Variants in GALNT17 observed in about 807,000 individuals in gnomAD.
The protein encoded by GALNT17 is polypeptide N-acetylgalactosaminyltransferase 17, also known as UDP-GalNAc:polypeptide N-acetylgalactosaminyltransferase-like 3.
In GALNT17, 29 loss-of-function variants were observed where a neutral mutation model predicts 63.7. That is an observed-to-expected ratio of 0.46 (90% confidence interval 0.34 to 0.62). GALNT17 has a LOEUF of 0.62. GALNT17 is among the 20% of genes least tolerant of loss of function. The pLI is 0.01. For synonymous variants in GALNT17, 305 were observed against 318.3 expected (o/e 0.96, Z 0.45); for missense variants, 603 against 799.6 (o/e 0.75, Z 2.97).
At chr7:71,261,246 T>C (rs1790380419) in intron 1 of GALNT17, among the ~76,000 whole-genome samples, 1 of 152,144 alleles carries the variant, frequency 6.6e-6, no homozygotes, top group African/African-American at 2.4e-5. Flanking sequence ...GCAGGACTCA[T>C]GGGCCCCTGT....
chr7:71,222,080 A>AT (rs1198688436), intron 1 of GALNT17, among the ~76,000 whole-genome samples: 1 of 149,412 alleles, frequency 6.7e-6, no homozygotes, highest in African/African-American at 2.5e-5. Flanking sequence ...GCTAATTTTG[A>AT]TTTTTTAGTA....
At chr7:71,197,345 A>G (rs988029285) in intron 1 of GALNT17, among the ~76,000 whole-genome samples, 1 of 149,734 alleles carries the variant, frequency 6.7e-6, no homozygotes, top group Non-Finnish European at 1.5e-5. Flanking sequence ...GACTACAGGC[A>G]CCTGCCACCA....
intron 2 of GALNT17, among the ~76,000 whole-genome samples, chr7:71,368,092 G>A (rs1462126833): frequency 6.6e-6 from 1 of 152,210 alleles, no homozygotes; most frequent in East Asian, 1.9e-4. Context: ...GAACAGACGT[G>A]GGGAGGGGGA....
At chr7:71,241,121 G>A (rs1358526500) in intron 1 of GALNT17, among the ~76,000 whole-genome samples, 1 of 152,168 alleles carries the variant, frequency 6.6e-6, no homozygotes, top group African/African-American at 2.4e-5. Context: ...TTCTTTGAAA[G>A]TGGCTTGTTT....
At chr7:71,612,355 G>A (rs1326081191) in intron 6 of GALNT17, among the ~76,000 whole-genome samples, 1 of 152,148 alleles carries the variant, frequency 6.6e-6, no homozygotes, top group Admixed American at 6.6e-5. Flanking sequence ...TAGACCTTTA[G>A]ACACTAAATA....
chr7:71,154,825 C>T (rs1788204212), intron 1 of GALNT17, among the ~76,000 whole-genome samples: 1 of 151,920 alleles, frequency 6.6e-6, no homozygotes, highest in Non-Finnish European at 1.5e-5. Context: ...ATCCACCCGC[C>T]TTGGCCTCCC....
intron 6 of GALNT17, among the ~76,000 whole-genome samples, chr7:71,632,845 T>C (rs1790471393): frequency 6.6e-6 from 1 of 152,082 alleles, no homozygotes; most frequent in African/African-American, 2.4e-5. Context: ...GGTTCATGCC[T>C]GTAATCCCAG....
intron 3 of GALNT17, among the ~76,000 whole-genome samples, chr7:71,391,283 C>G (rs372812482): frequency 1.3e-5 from 2 of 152,264 alleles, no homozygotes; most frequent in African/African-American, 4.8e-5. Context: ...ATGGCGCACC[C>G]TCTCCTGAGG....
rs71089953 is a variant in GALNT17 at position 71,539,707 on chromosome 7, C to CTTTTTTTTTTT, written c.963-31563_963-31553dup. 2.1e-4 allele frequency among the ~76,000 whole-genome samples: 15 copies of CTTTTTTTTTTT among 71,442 alleles called. 1 individual carries two copies. Among genetic ancestry groups the CTTTTTTTTTTT allele is most frequent in the African/African-American group, 5.2e-4 (9 of 17,388 alleles). The allele number at this position is 71,442 out of a possible 152,430, so 46.9% of individuals were successfully genotyped here. ...ATCTATTTCAGGAGTTTAGTCCCAC[C>CTTTTTTTTTTT]TTTTTTTTTTTTTTTTTTTTTTTTT... On this transcript the variant is annotated intron_variant, in intron 5 of 10. Coordinates refer to ENST00000333538, the MANE Select transcript of GALNT17 (RefSeq NM_022479.3).
chr7:71,369,808 T>C (rs1481819058), intron 2 of GALNT17, among the ~76,000 whole-genome samples: 1 of 123,974 alleles, frequency 8.1e-6, no homozygotes, highest in Non-Finnish European at 1.6e-5. Context: ...TGAGGCTTTT[T>C]GTCAAAAAAA....
intron 6 of GALNT17, among the ~76,000 whole-genome samples, chr7:71,609,606 G>A (rs933877588): frequency 2.6e-5 from 4 of 151,980 alleles, no homozygotes; most frequent in East Asian, 3.9e-4. Flanking sequence ...GCTTTGATAC[G>A]GGCATGCAAT....
chr7:71,224,679 A>G (rs2190223), intron 1 of GALNT17, among the ~76,000 whole-genome samples: 50,144 of 151,980 alleles, frequency 0.33, 9,245 homozygotes, highest in South Asian at 0.53. Flanking sequence ...TGCCAGAGGA[A>G]CTGTTCTTTC....
At chr7:71,461,430 T>G (rs1484594224) in intron 5 of GALNT17, among the ~76,000 whole-genome samples, 3 of 152,218 alleles carry the variant, frequency 2.0e-5, no homozygotes, top group Admixed American at 6.5e-5. Flanking sequence ...CCAAGTACCT[T>G]TTTAATGACT....
Position 71,477,690 on chromosome 7 carries a change from A to G in GALNT17, c.962+56585A>G, listed in dbSNP as rs931100212. 5.6e-4 allele frequency among the ~76,000 whole-genome samples: 85 copies of G among 152,010 alleles called. 1 individual carries two copies. The highest frequency in any genetic ancestry group is 1.8e-3 in the African/African-American group (76 of 41,358). ...GGCAACAGGCCAAGATCCTGTATCT[A>G]AAAAAACAAAAAAAAAGGTTGAAAA... On this transcript the variant is annotated intron_variant, in intron 5 of 10. Transcript: ENST00000333538.
intron 1 of GALNT17, among the ~76,000 whole-genome samples, chr7:71,246,783 C>T (rs372843829): frequency 6.6e-5 from 10 of 151,794 alleles, no homozygotes; most frequent in South Asian, 4.2e-4. Flanking sequence ...GAGCTGAGAA[C>T]GCGCCACTGC....
intron 2 of GALNT17, among the ~76,000 whole-genome samples, chr7:71,369,846 A>G (rs1423684798): frequency 6.6e-6 from 1 of 151,026 alleles, no homozygotes; most frequent in Non-Finnish European, 1.5e-5. Flanking sequence ...AAGAACAAAA[A>G]CTATGTATTA....
At chr7:71,419,875 T>C (rs1176327064) in intron 4 of GALNT17, among the ~76,000 whole-genome samples, 1 of 152,230 alleles carries the variant, frequency 6.6e-6, no homozygotes, top group African/African-American at 2.4e-5. Flanking sequence ...TGGAAGCAGG[T>C]AATGGCCCAG....
chr7:71,573,268 C>T (rs1040732595), intron 6 of GALNT17, among the ~76,000 whole-genome samples: 1 of 152,004 alleles, frequency 6.6e-6, no homozygotes, highest in African/African-American at 2.4e-5. Context: ...CCTCGGCCTC[C>T]CAAAGTGCTG....
intron 5 of GALNT17, among the ~76,000 whole-genome samples, chr7:71,428,792 G>T (rs1387267995): frequency 6.6e-6 from 1 of 152,136 alleles, no homozygotes; most frequent in Non-Finnish European, 1.5e-5. Flanking sequence ...TTCCATATCT[G>T]GTTTCTGGGA....
Sources: gnomAD v4.1 joint callset for allele counts (sites outside exome capture counted in the v4.1 genomes callset) on GRCh38, gnomAD v4.1.1 for gene constraint, MANE v1.5 for transcripts, NCBI Gene and HGNC (gene_info 2026-07-23, HGNC 2026-07-21) for gene names.